RC3H2: variants seen among roughly 807,000 people sequenced by gnomAD.
The protein encoded by RC3H2 is ring finger and CCCH-type domains 2.
Under a neutral mutation model 133.3 loss-of-function variants are expected in RC3H2, and 31 were observed. The observed-to-expected ratio is 0.23, with a 90% CI of 0.17 to 0.31. The LOEUF (loss-of-function observed/expected upper bound fraction) is 0.31, where lower values mean the gene tolerates loss of function less well. Ranked by LOEUF, RC3H2 falls within the 10% of genes least tolerant of loss-of-function variation. RC3H2 has a pLI of 1.00. For missense variants in RC3H2, 1,175 were observed against 1,437.2 expected, an observed-to-expected ratio of 0.82 and a Z score of 2.95; for synonymous variants, 517 against 502.2, an observed-to-expected ratio of 1.03 and a Z score of -0.40.
rs1167765000 is a variant in RC3H2, at chr9:122,876,627, C to CAA, written c.1325+842_1325+843dup. ...TGGGCGACAGAGCAAGACTCCACCT[C>CAA]AAAAAAAAAAAAAAAGTTGATACAC... On this transcript the variant is annotated intron_variant, in intron 9 of 20. Transcript: ENST00000357244. Among the ~76,000 whole-genome samples, 18 of 94,632 alleles carry CAA rather than the reference C, an allele frequency of 1.9e-4. No homozygotes were observed. In the East Asian group the frequency reaches 2.6e-3, roughly 13 times the overall value. 62.1% of individuals were successfully genotyped at this position (94,632 alleles called of 152,430 possible).
rs577505344 is a variant in RC3H2 at position 122,866,557 on chromosome 9, G to A, written c.1326-900C>T. ...GTGCCTGCGATTGCAGGCGCGCGCC[G>A]CCACGCCTGACTGGTTTTCTTATTT... On this transcript the variant is annotated intron_variant, in intron 9 of 20. Transcript: ENST00000357244. Among the ~76,000 whole-genome samples the A allele has an allele frequency of 5.0e-3, 765 of 152,108 alleles. 6 individuals are homozygous for A. Among genetic ancestry groups the A allele is most frequent in the African/African-American group, 0.017 (715 of 41,458 alleles).
At chr9:122,868,097 C>A (rs2131419024) in intron 9 of RC3H2, among the ~76,000 whole-genome samples, 1 of 142,810 alleles carries the variant, frequency 7.0e-6, no homozygotes, top group Non-Finnish European at 1.5e-5. Flanking sequence ...CCCGGCCAGC[C>A]ACCCCGTCCA....
chr9:122,858,595 G>T, intron 12 of RC3H2, 74 bp downstream of exon 12: 1 of 1,254,198 alleles, frequency 8.0e-7, no homozygotes, highest in Non-Finnish European at 1.1e-6. Flanking sequence ...GGAGGAGCCA[G>T]GATATATACC....
At chr9:122,866,406 CCCACGGTCTCCCTCTCCCTCTCTTT>C (rs1588069506) in intron 9 of RC3H2, among the ~76,000 whole-genome samples, 1 of 137,530 alleles carries the variant, frequency 7.3e-6, no homozygotes, top group East Asian at 2.2e-4. Context: ...TCTCCCTCTC[CCCACGGTCTCCCTCTCCCTCTCTTT>C]CCACGGTCTC....
chr9:122,903,994 ATT>A (rs971598683), intron 1 of RC3H2, among the ~76,000 whole-genome samples: 1 of 152,158 alleles, frequency 6.6e-6, no homozygotes, highest in African/African-American at 2.4e-5. Context: ...ACTGGCTAAC[ATT>A]TGTTTCTTTG....
At chr9:122,889,043 T>C (rs1158947815) in intron 4 of RC3H2, among the ~76,000 whole-genome samples, 1 of 152,218 alleles carries the variant, frequency 6.6e-6, no homozygotes, top group East Asian at 1.9e-4. Flanking sequence ...GCATCTTTTG[T>C]CAATTTTTCA....
At chr9:122,898,144 T>C (rs943645331) in intron 1 of RC3H2, 15 of 152,246 alleles carry the variant, frequency 9.9e-5, no homozygotes, top group African/African-American at 3.6e-4. Flanking sequence ...AATCAACATA[T>C]AAGAGAAGAC....
intron 9 of RC3H2, among the ~76,000 whole-genome samples, chr9:122,871,630 G>GT (rs1831103703): frequency 1.3e-5 from 2 of 151,572 alleles, no homozygotes; most frequent in South Asian, 2.1e-4. Flanking sequence ...GCCAAATGTT[G>GT]TATCTTCTAA....
intron 13 of RC3H2, among the ~76,000 whole-genome samples, chr9:122,856,207 T>C (rs1323889401): frequency 6.6e-6 from 1 of 152,104 alleles, no homozygotes; most frequent in Non-Finnish European, 1.5e-5. Context: ...AACAAATACA[T>C]AGATACACAC....
intron 10 of RC3H2, among the ~76,000 whole-genome samples, chr9:122,860,460 T>G (rs1830416279): frequency 6.9e-6 from 1 of 144,762 alleles, no homozygotes; most frequent in South Asian, 2.2e-4. Context: ...CGGGCTGGAG[T>G]GCACTGACAT....
intron 9 of RC3H2, chr9:122,873,666 A>T (rs957256050): frequency 1.3e-5 from 2 of 152,062 alleles, no homozygotes; most frequent in Non-Finnish European, 2.9e-5. Context: ...GTGAGCCAAG[A>T]TCATACCACT....
In RC3H2 at chr9:122,905,206, C is replaced by G. The variant is rs1832796151; in HGVS notation, c.-164G>C. The G allele has an allele frequency of 3.0e-6, 3 of 985,372 alleles. No homozygotes were observed. The African/African-American group carries it at 5.2e-5, about 17-fold the overall frequency. 61.0% of individuals were successfully genotyped at this position (985,372 alleles called of 1,614,324 possible). A position where few individuals can be genotyped will look rare whatever the true frequency, so the allele number is the denominator to read the frequency against. On this transcript the variant is annotated 5_prime_UTR_variant, in exon 1 of 21. Coordinates refer to ENST00000357244, the MANE Select transcript of RC3H2 (RefSeq NM_001100588.3). ...GGCGCCTCGTCTCGCCGGGGCAGAGCTCGGCGGAGGTTTCACGACCTCAAA... is the reference window on the plus strand; with the variant it reads ...GGCGCCTCGTCTCGCCGGGGCAGAGGTCGGCGGAGGTTTCACGACCTCAAA...
At chr9:122,902,774 C>T (rs141295900) in intron 1 of RC3H2, among the ~76,000 whole-genome samples, 8 of 151,050 alleles carry the variant, frequency 5.3e-5, no homozygotes, top group African/African-American at 1.9e-4. Context: ...ATTGCTTGAA[C>T]CTGGAAGCAG....
At chr9:122,885,735 A>G (rs1014184284) in intron 4 of RC3H2, among the ~76,000 whole-genome samples, 1 of 152,212 alleles carries the variant, frequency 6.6e-6, no homozygotes, top group Non-Finnish European at 1.5e-5. Context: ...ACAACCATCA[A>G]CTTTGTCTAA....
intron 18 of RC3H2, 26 bp from the exon 19 acceptor site, chr9:122,851,462 C>G: frequency 1.9e-6 from 3 of 1,599,206 alleles, no homozygotes; most frequent in Non-Finnish European, 2.6e-6. Context: ...ATTTTGCTCT[C>G]CCTCTCCCTC....
At chr9:122,855,018 G>A (rs1823449) in intron 15 of RC3H2, among the ~76,000 whole-genome samples, 166 bp downstream of exon 15, 11 of 151,774 alleles carry the variant, frequency 7.2e-5, no homozygotes, top group South Asian at 4.2e-4. Context: ...GGGAGGCTGA[G>A]GCAGGAGAAT....
At chr9:122,858,238 C>T in intron 12 of RC3H2, 145 bp from the exon 13 acceptor site, 2 of 702,362 alleles carry the variant, frequency 2.8e-6, no homozygotes. Context: ...TCTCCATACA[C>T]TTAAAATAAA....
At position 122,860,142 on chromosome 9, in the gene RC3H2, A is replaced by G. The variant is rs772391828; in HGVS notation, c.1635-11T>C. 2 of 1,602,078 alleles carry G rather than the reference A, an allele frequency of 1.2e-6. No homozygotes were observed. The highest frequency in any genetic ancestry group is 1.1e-5 in the South Asian group (1 of 90,808). On this transcript the variant is annotated splice_polypyrimidine_tract_variant and intron_variant, in intron 10 of 20. Coordinates refer to ENST00000357244, the MANE Select transcript of RC3H2 (RefSeq NM_001100588.3). Reference sequence around the variant, plus strand: ...GGAGAACCAATTTTACTGGAGAGAAAATTTAACAAAGGGCAAAGGAGAAAT... The same window carrying G: ...GGAGAACCAATTTTACTGGAGAGAAGATTTAACAAAGGGCAAAGGAGAAAT...
intron 11 of RC3H2, among the ~76,000 whole-genome samples, chr9:122,859,583 C>T (rs548868000): frequency 3.9e-5 from 6 of 152,052 alleles, no homozygotes; most frequent in Non-Finnish European, 7.4e-5. Flanking sequence ...TGGGAGCAGA[C>T]GTTAAAGACC....
Sources: allele counts gnomAD v4.1 joint callset (sites outside exome capture counted in the v4.1 genomes callset), GRCh38; gene constraint gnomAD v4.1.1; transcripts MANE v1.5; gene names NCBI Gene and HGNC (gene_info 2026-07-23, HGNC 2026-07-21).